The following STAG1 variants were observed in gnomAD, a reference collection of about 807,000 sequenced individuals.
STAG1 encodes the protein cohesin subunit SA-1.
In STAG1, 26 loss-of-function variants were observed where a neutral mutation model predicts 170.9. The observed-to-expected ratio is 0.15, with a 90% CI of 0.11 to 0.21. STAG1 has a LOEUF of 0.21. STAG1 is among the 10% of genes least tolerant of loss of function. The probability of loss-of-function intolerance (pLI) is 1.00; values close to 1 mark genes in which losing one functional copy is unlikely to be tolerated. For synonymous variants in STAG1, 514 were observed against 497.7 expected (o/e 1.03, Z -0.44); for missense variants, 964 against 1,509.5 (o/e 0.64, Z 5.99).
chr3:136,593,148 A>G (rs1252634757), intron 4 of STAG1, among the ~76,000 whole-genome samples: 28 of 152,172 alleles, frequency 1.8e-4, no homozygotes, highest in Admixed American at 1.8e-3. Context: ...TGCTCACTAA[A>G]GTTCACCATG....
chr3:136,441,985 C>G (rs113978624), intron 15 of STAG1, among the ~76,000 whole-genome samples: 178 of 152,234 alleles, frequency 1.2e-3, no homozygotes, highest in African/African-American at 2.5e-3. Flanking sequence ...ATCACCTGAG[C>G]TCAGGAGTTC....
At chr3:136,704,201 C>T (rs187751755) in intron 1 of STAG1, among the ~76,000 whole-genome samples, 1 of 151,538 alleles carries the variant, frequency 6.6e-6, no homozygotes, top group Non-Finnish European at 1.5e-5. Flanking sequence ...CAGGAGTGCA[C>T]CACGACGCCT....
chr3:136,519,674 TAC>T (rs1437459790), intron 7 of STAG1, among the ~76,000 whole-genome samples: 7 of 151,812 alleles, frequency 4.6e-5, no homozygotes, highest in African/African-American at 9.7e-5. Context: ...ATGCAGAGGA[TAC>T]TACGAAAGGT....
intron 12 of STAG1, among the ~76,000 whole-genome samples, chr3:136,469,988 G>C (rs1427868730): frequency 1.3e-5 from 2 of 152,174 alleles, no homozygotes; most frequent in Non-Finnish European, 2.9e-5. Flanking sequence ...ATTAATTCAA[G>C]ATGGATTAAA....
chr3:136,593,512 CA>C (rs1233350481), intron 4 of STAG1, among the ~76,000 whole-genome samples: 2 of 152,196 alleles, frequency 1.3e-5, no homozygotes, highest in Admixed American at 6.5e-5. Context: ...TGAAAAACAT[CA>C]ACAGGTATAC....
At chr3:136,613,644 AC>A (rs1939430606) in intron 3 of STAG1, among the ~76,000 whole-genome samples, 1 of 151,894 alleles carries the variant, frequency 6.6e-6, no homozygotes. Flanking sequence ...GTGCCACCAC[AC>A]CCAGGTAATT....
At chr3:136,675,490 T>C (rs944281066) in intron 1 of STAG1, among the ~76,000 whole-genome samples, 8 of 152,226 alleles carry the variant, frequency 5.3e-5, no homozygotes, top group South Asian at 2.1e-4. Context: ...TTTTCTGTTA[T>C]CTAATGCCAA....
chr3:136,486,310 T>C (rs2090010959), intron 9 of STAG1, among the ~76,000 whole-genome samples: 1 of 152,352 alleles, frequency 6.6e-6, no homozygotes, highest in Middle Eastern at 3.4e-3. Context: ...TTTCACATCC[T>C]TGCCTGACAT....
At chr3:136,551,449 G>T (rs1384271962) in intron 5 of STAG1, among the ~76,000 whole-genome samples, 1 of 23,730 alleles carries the variant, frequency 4.2e-5, no homozygotes, top group Non-Finnish European at 9.3e-5. Context: ...TTTTTGGCAG[G>T]GGGAAGAGGG....
At chr3:136,558,271 A>G (rs1302750627) in intron 5 of STAG1, among the ~76,000 whole-genome samples, 1 of 152,144 alleles carries the variant, frequency 6.6e-6, no homozygotes, top group Admixed American at 6.5e-5. Flanking sequence ...ACATGCCTGT[A>G]ATCCCAGCTA....
intron 20 of STAG1, among the ~76,000 whole-genome samples, chr3:136,419,573 T>C (rs1206271458): frequency 1.3e-5 from 2 of 151,018 alleles, no homozygotes; most frequent in African/African-American, 4.9e-5. Flanking sequence ...GCCCCAAGAG[T>C]AGCTGGGAAT....
intron 9 of STAG1, among the ~76,000 whole-genome samples, chr3:136,487,885 C>A (rs944537535): frequency 6.6e-6 from 1 of 152,168 alleles, no homozygotes; most frequent in Admixed American, 6.5e-5. Flanking sequence ...GGAAAGCCAC[C>A]GGCTATGTCT....
intron 5 of STAG1, among the ~76,000 whole-genome samples, chr3:136,559,743 T>C (rs1185592499): frequency 6.6e-6 from 1 of 152,230 alleles, no homozygotes; most frequent in Non-Finnish European, 1.5e-5. Flanking sequence ...CATCTGGTCC[T>C]TTATTCCTGT....
At chr3:136,474,553 C>T (rs939034864) in intron 10 of STAG1, among the ~76,000 whole-genome samples, 2 of 152,114 alleles carry the variant, frequency 1.3e-5, no homozygotes, top group African/African-American at 4.8e-5. Flanking sequence ...GTAAATAGTG[C>T]CTTCATAGCC....
intron 21 of STAG1, among the ~76,000 whole-genome samples, chr3:136,399,440 T>C (rs1464167192): frequency 6.6e-6 from 1 of 152,214 alleles, no homozygotes; most frequent in Non-Finnish European, 1.5e-5. Context: ...TCTGCATTCC[T>C]AGTTTTTTAC....
At chr3:136,581,598 C>G (rs112124632) in intron 4 of STAG1, among the ~76,000 whole-genome samples, 177 of 152,228 alleles carry the variant, frequency 1.2e-3, no homozygotes, top group African/African-American at 2.5e-3. Context: ...TAGGAAGAGA[C>G]AGCTATTTGG....
chr3:136,398,470 T>C (rs866270927), intron 22 of STAG1, among the ~76,000 whole-genome samples: 56 of 152,250 alleles, frequency 3.7e-4, no homozygotes, highest in African/African-American at 1.3e-3. Context: ...TTGTGTCTAC[T>C]ACAGTGATTT....
intron 7 of STAG1, among the ~76,000 whole-genome samples, chr3:136,515,706 C>T (rs1043666676): frequency 6.6e-6 from 1 of 151,802 alleles, no homozygotes; most frequent in Non-Finnish European, 1.5e-5. Context: ...GACAATAATA[C>T]TAAGAAAAAA....
intron 6 of STAG1, among the ~76,000 whole-genome samples, chr3:136,528,528 A>G (rs1935197133): frequency 7.1e-6 from 1 of 140,610 alleles, no homozygotes; most frequent in Admixed American, 7.1e-5. Flanking sequence ...AGTCCTGGAA[A>G]AGGAATCCAA....
Sources: allele counts gnomAD v4.1 joint callset (sites outside exome capture counted in the v4.1 genomes callset), GRCh38; gene constraint gnomAD v4.1.1; transcripts MANE v1.5; gene names NCBI Gene and HGNC (gene_info 2026-07-23, HGNC 2026-07-21).